The following RIPOR2 variants were observed in gnomAD, a reference collection of about 807,000 sequenced individuals.
RIPOR2 encodes rho family-interacting cell polarization regulator 2.
RIPOR2 carries 39 observed loss-of-function variants against 114.5 expected under a neutral mutation model. The ratio of observed to expected loss-of-function variants is 0.34; its 90% CI spans 0.26 to 0.44. The LOEUF (loss-of-function observed/expected upper bound fraction) is 0.44, where lower values mean the gene tolerates loss of function less well. Ranked by LOEUF, RIPOR2 falls within the 20% of genes least tolerant of loss-of-function variation. The pLI, the probability that RIPOR2 is intolerant of heterozygous loss-of-function variation, is 1.00. For missense variants in RIPOR2, 1,007 were observed against 1,255.1 expected, an observed-to-expected ratio of 0.80 and a Z score of 2.99; for synonymous variants, 445 against 484.4, an observed-to-expected ratio of 0.92 and a Z score of 1.07.
chr6:24,900,320 C>T (rs1016615064), intron 1 of RIPOR2, among the ~76,000 whole-genome samples: 1 of 152,212 alleles, frequency 6.6e-6, no homozygotes, highest in Non-Finnish European at 1.5e-5. Flanking sequence ...ATTCTCTCAT[C>T]TATAAAATGG....
chr6:24,848,107 T>C lies in RIPOR2; in HGVS notation c.1082A>G (p.Lys361Arg). 6.2e-7 allele frequency: 1 copy of C among 1,613,906 alleles called. No individual in the cohort carries two copies. Among genetic ancestry groups the C allele is most frequent in the Non-Finnish European group, 8.5e-7 (1 of 1,179,836 alleles). Residue 361 changes from lysine to arginine, a missense_variant, in exon 12 of 22, where the codon AAG (lysine) becomes AGG (arginine). Physicochemically the swap from Lys to Arg is conservative, Grantham distance 26 (BLOSUM62 2). Coordinates refer to ENST00000643898, the MANE Select transcript of RIPOR2 (RefSeq NM_001286445.3). ...CATTCTCCTCTGAAGGGCTGCTGCC[T>C]TGTTCCCAGCGCCTGAGGATGCGGT... ...DMTASSGAGN[K>R]AAALQRRMSM...
chr6:25,039,212 G>T (rs9393609), intron 1 of RIPOR2, among the ~76,000 whole-genome samples: 1 of 152,074 alleles, frequency 6.6e-6, no homozygotes, highest in Non-Finnish European at 1.5e-5. Context: ...ATATTGTTGA[G>T]GGCCACCCTT....
intron 1 of RIPOR2, chr6:25,041,720 C>A (rs534381029): frequency 3.3e-6 from 2 of 602,610 alleles, no homozygotes; most frequent in Admixed American, 3.0e-5. Flanking sequence ...GAAAACGGAG[C>A]ACAGGAAAGT....
At chr6:24,918,987 A>G (rs1283256950) in intron 1 of RIPOR2, among the ~76,000 whole-genome samples, 2 of 152,160 alleles carry the variant, frequency 1.3e-5, no homozygotes, top group African/African-American at 2.4e-5. Flanking sequence ...ACTAACACAC[A>G]TTTTATGCAA....
At chr6:24,893,927 T>C (rs893797950) in intron 1 of RIPOR2, among the ~76,000 whole-genome samples, 1 of 152,184 alleles carries the variant, frequency 6.6e-6, no homozygotes, top group African/African-American at 2.4e-5. Context: ...ACTGGAAGCA[T>C]TGAACTGGAT....
rs890280718 is a variant in RIPOR2, at chr6:24,847,658, G to A, written c.1164+367C>T. The A allele has an allele frequency of 1.0e-5, 16 of 1,551,518 alleles. No homozygotes were observed. The highest frequency in any genetic ancestry group is 2.7e-5 in the African/African-American group (2 of 73,034). On this transcript the variant is annotated intron_variant, in intron 12 of 21. Transcript: ENST00000643898. Reference sequence around the variant, plus strand: ...TGCAAGGCACTCAAGACAGACAGCCGCCTGGGCTTGTCTGGGGAAGGATGC... The same window carrying A: ...TGCAAGGCACTCAAGACAGACAGCCACCTGGGCTTGTCTGGGGAAGGATGC...
chr6:24,894,868 T>C (rs1767707512), intron 1 of RIPOR2, among the ~76,000 whole-genome samples: 1 of 152,142 alleles, frequency 6.6e-6, no homozygotes, highest in Non-Finnish European at 1.5e-5. Context: ...ATGTCGACTG[T>C]TAGAGATGGA....
chr6:24,890,018 A>G (rs943942699), intron 1 of RIPOR2, among the ~76,000 whole-genome samples: 1 of 151,944 alleles, frequency 6.6e-6, no homozygotes, highest in Non-Finnish European at 1.5e-5. Context: ...CAACCTCCCG[A>G]GTAGCTGGGG....
chr6:24,935,983 C>A, upstream of RIPOR2: 1 of 1,043,804 alleles, frequency 9.6e-7, no homozygotes, highest in South Asian at 1.4e-5. Flanking sequence ...GATTTCCTTT[C>A]CTTGGGTTGC....
Position 24,982,023 on chromosome 6 carries a change from G to A in RIPOR2, c.76+59828C>T, listed in dbSNP as rs546625330. Among the ~76,000 whole-genome samples the A allele has an allele frequency of 1.3e-4, 20 of 152,286 alleles. 2 individuals carry two copies. In the South Asian group the frequency reaches 3.9e-3, roughly 30 times the overall value. Reference sequence around the variant, plus strand: ...TCCCCTCAACTTTTTGCCTTATGAGGAATGGACTGATGAAAAATGACCCTA... The same window carrying A: ...TCCCCTCAACTTTTTGCCTTATGAGAAATGGACTGATGAAAAATGACCCTA... On this transcript the variant is annotated intron_variant, in intron 1 of 13. Coordinates refer to the RIPOR2 transcript ENST00000510784.
chr6:25,024,128 C>T, intron 1 of RIPOR2: 1 of 893,986 alleles, frequency 1.1e-6, no homozygotes, highest in Non-Finnish European at 1.9e-6. Flanking sequence ...TGATATTCCC[C>T]TTACCGGTGG....
At chr6:24,906,220 G>A (rs1768977994) in intron 1 of RIPOR2, among the ~76,000 whole-genome samples, 1 of 152,092 alleles carries the variant, frequency 6.6e-6, no homozygotes, top group East Asian at 1.9e-4. Context: ...AGGTTCACAG[G>A]CAGTTAGTTA....
At chr6:24,895,407 A>G (rs1245459167) in intron 1 of RIPOR2, among the ~76,000 whole-genome samples, 1 of 151,518 alleles carries the variant, frequency 6.6e-6, no homozygotes, top group African/African-American at 2.4e-5. Flanking sequence ...ATTCTGACTT[A>G]GTCTGGGGTG....
At position 24,870,485 on chromosome 6, in the gene RIPOR2, T is replaced by C. The variant is rs12525226; in HGVS notation, c.447+381A>G. On this transcript the variant is annotated intron_variant, in intron 5 of 21. Transcript: ENST00000643898. ...TTACTGTCTCTAAGAGGGTCTCCCATTGACTTCTCAAAGATGCAGAGTTTT... is the reference window on the plus strand; with the variant it reads ...TTACTGTCTCTAAGAGGGTCTCCCACTGACTTCTCAAAGATGCAGAGTTTT... 3.6e-3 allele frequency among the ~76,000 whole-genome samples: 543 copies of C among 152,344 alleles called. 19 individuals carry two copies. Among genetic ancestry groups the C allele is most frequent in the Admixed American group, 0.034 (522 of 15,300 alleles).
rs535334213 is a variant in RIPOR2, at chr6:24,850,225, T to C, written c.886-275A>G. Among the ~76,000 whole-genome samples, 9 of 150,524 alleles carry C rather than the reference T, an allele frequency of 6.0e-5. No individual in the cohort carries two copies. The South Asian group carries it at 6.3e-4, about 11-fold the overall frequency. ...GATCCTCCCACCTCAGACTCCCAAGTAGCTGGGACTACAGGCACACGGACC... is the reference window on the plus strand; with the variant it reads ...GATCCTCCCACCTCAGACTCCCAAGCAGCTGGGACTACAGGCACACGGACC... On this transcript the variant is annotated intron_variant, in intron 10 of 21. Transcript: ENST00000643898.
chr6:24,839,400 A>T, intron 13 of RIPOR2, 128 bp from the exon 14 acceptor site: 1 of 1,437,674 alleles, frequency 7.0e-7, no homozygotes, highest in Non-Finnish European at 9.2e-7. Context: ...TTAGCATTTA[A>T]AAAATGCATT....
At chr6:24,980,107 T>G (rs1774227840) in intron 1 of RIPOR2, among the ~76,000 whole-genome samples, 1 of 152,356 alleles carries the variant, frequency 6.6e-6, no homozygotes, top group African/African-American at 2.4e-5. Context: ...GATAGGCTCC[T>G]CAGCCTTGAA....
chr6:24,808,075 G>A (rs1780892777), intron 21 of RIPOR2, among the ~76,000 whole-genome samples: 1 of 152,178 alleles, frequency 6.6e-6, no homozygotes, highest in African/African-American at 2.4e-5. Context: ...GAATCTTTGG[G>A]AGTAGATTGT....
chr6:24,839,276 T>C lies in RIPOR2; in HGVS notation c.1858-4A>G, dbSNP rs746434338. 38 of 1,550,986 alleles carry C rather than the reference T, an allele frequency of 2.5e-5. 1 individual carries two copies. In the East Asian group the frequency reaches 9.3e-4, roughly 38 times the overall value. ...TGCGGCTTACTGCTGGCTTGCACTGTAAAGGCAGAAGGCACCAGGGAGAAC... is the reference window on the plus strand; with the variant it reads ...TGCGGCTTACTGCTGGCTTGCACTGCAAAGGCAGAAGGCACCAGGGAGAAC... On this transcript the variant is annotated splice_region_variant and splice_polypyrimidine_tract_variant and intron_variant, in intron 13 of 21. Transcript: ENST00000643898.
Sources: allele counts gnomAD v4.1 joint callset (sites outside exome capture counted in the v4.1 genomes callset), GRCh38; gene constraint gnomAD v4.1.1; transcripts MANE v1.5; gene names NCBI Gene and HGNC (gene_info 2026-07-23, HGNC 2026-07-21).